Variants in RFX4 observed in about 807,000 individuals in gnomAD.
RFX4 encodes the protein transcription factor RFX4.
RFX4 carries 10 observed loss-of-function variants against 95.0 expected under a neutral mutation model. The ratio of observed to expected loss-of-function variants is 0.11; its 90% CI spans 0.06 to 0.18. The LOEUF (loss-of-function observed/expected upper bound fraction) is 0.18. Ranked by LOEUF, RFX4 falls within the 10% of genes least tolerant of loss-of-function variation. The probability of loss-of-function intolerance (pLI) is 1.00; values close to 1 mark genes in which losing one functional copy is unlikely to be tolerated. For missense variants in RFX4, 640 were observed against 922.0 expected (o/e 0.69, Z 3.96); for synonymous variants, 321 against 340.7 (o/e 0.94, Z 0.64).
At chr12:106,739,973 C>T (rs17038743) in intron 15 of RFX4, among the ~76,000 whole-genome samples, 2,040 of 152,246 alleles carry the variant, frequency 0.013, 53 homozygotes, top group African/African-American at 0.047. Context: ...TAAAGCAAAA[C>T]GTTAAGCTCC....
At chr12:106,681,186 C>T (rs533122459) in intron 4 of RFX4, 1 of 152,354 alleles carries the variant, frequency 6.6e-6, no homozygotes, top group East Asian at 1.9e-4. Context: ...TACCCCTAGG[C>T]TTTCATTCCT....
intron 7 of RFX4, among the ~76,000 whole-genome samples, chr12:106,690,118 G>T (rs116873819): frequency 0.031 from 4,748 of 152,202 alleles, 108 homozygotes; most frequent in Non-Finnish European, 0.047. Context: ...ATATAAAAAC[G>T]ATGTCAGGTA....
rs117368066 is a variant in RFX4, at chr12:106,616,606, G to A, written c.130+7723G>A. 1.1e-3 allele frequency among the ~76,000 whole-genome samples: 170 copies of A among 152,174 alleles called. 1 individual carries two copies. In the East Asian group the frequency reaches 0.024, roughly 22 times the overall value. Reference sequence around the variant, plus strand: ...GGTTTGGAATTTTCTTTGAGGGAAAGTTTTTAATGATGGATTCAATTTTCT... The same window carrying A: ...GGTTTGGAATTTTCTTTGAGGGAAAATTTTTAATGATGGATTCAATTTTCT... On this transcript the variant is annotated intron_variant, in intron 2 of 17. Coordinates refer to ENST00000392842, the MANE Select transcript of RFX4 (RefSeq NM_213594.3).
At chr12:106,686,535 C>A (rs4964187) in intron 5 of RFX4, among the ~76,000 whole-genome samples, 54,952 of 151,830 alleles carry the variant, frequency 0.36, 10,073 homozygotes, top group African/African-American at 0.42. Context: ...GAGAAGGGAC[C>A]CTCAAGTGCT....
At chr12:106,596,331 G>C (rs577440418) in intron 1 of RFX4, among the ~76,000 whole-genome samples, 8 of 152,308 alleles carry the variant, frequency 5.3e-5, no homozygotes, top group Admixed American at 3.9e-4. Context: ...CGTAAGATGT[G>C]ATTTCCTCCT....
At chr12:106,610,511 G>A (rs1184987177) in intron 2 of RFX4, among the ~76,000 whole-genome samples, 1 of 152,002 alleles carries the variant, frequency 6.6e-6, no homozygotes, top group Non-Finnish European at 1.5e-5. Flanking sequence ...TCTACTTTCT[G>A]CCTCTGTTAA....
At chr12:106,587,011 C>T (rs1303238467) in intron 1 of RFX4, among the ~76,000 whole-genome samples, 2 of 152,206 alleles carry the variant, frequency 1.3e-5, no homozygotes, top group Admixed American at 1.3e-4. Flanking sequence ...GGCATGTGCG[C>T]CCCCATCTCT....
chr12:106,635,386 CTT>C (rs1289981638), intron 2 of RFX4, among the ~76,000 whole-genome samples: 1 of 152,146 alleles, frequency 6.6e-6, no homozygotes, highest in Non-Finnish European at 1.5e-5. Flanking sequence ...GGCGTGATCT[CTT>C]TGCAACCTCC....
intron 8 of RFX4, among the ~76,000 whole-genome samples, chr12:106,704,137 T>TCAGGA (rs1316351100): frequency 6.8e-6 from 1 of 147,370 alleles, no homozygotes; most frequent in Non-Finnish European, 1.5e-5. Context: ...AATGAAATAG[T>TCAGGA]CAGGACTCGA....
At chr12:106,622,416 A>G (rs535848282) in intron 2 of RFX4, among the ~76,000 whole-genome samples, 1 of 151,982 alleles carries the variant, frequency 6.6e-6, no homozygotes, top group Non-Finnish European at 1.5e-5. Context: ...AATTGTATAT[A>G]TGTATATATT....
chr12:106,700,726 A>G (rs2041973219), intron 8 of RFX4, among the ~76,000 whole-genome samples: 2 of 152,156 alleles, frequency 1.3e-5, no homozygotes, highest in Non-Finnish European at 2.9e-5. Context: ...ATCTTCAATT[A>G]TAATATACCT....
At chr12:106,649,068 GA>G (rs1188355145) in intron 3 of RFX4, among the ~76,000 whole-genome samples, 4 of 151,946 alleles carry the variant, frequency 2.6e-5, no homozygotes, top group Non-Finnish European at 5.9e-5. Context: ...AGAAGATAAG[GA>G]AAATGGAAGA....
At position 106,747,482 on chromosome 12, in the gene RFX4, C is replaced by A. The variant is rs757682336; in HGVS notation, c.1679C>A (p.Thr560Lys). The A allele has an allele frequency of 1.2e-6, 2 of 1,614,178 alleles. No individual in the cohort carries two copies. Among genetic ancestry groups the A allele is most frequent in the Non-Finnish European group, 1.7e-6 (2 of 1,180,016 alleles). ...YTWSLTYTVT[T>K]AAGSPAENSQ... ...TGGTCTCTAACATACACAGTGACGA[C>A]GGCTGCTGGGTCCCCAGCTGAGAAC... Residue 560 changes from threonine (T) to lysine (K), a missense_variant, in exon 16 of 18, where the codon ACG (threonine) becomes AAG (lysine). By Grantham distance (78) the Thr-to-Lys change is moderately conservative. Around this residue, in one of 7 missense-constraint regions of RFX4, gnomAD observed 300 missense variants for 346.8 expected, o/e 0.87. Transcript: ENST00000392842.
intron 10 of RFX4, among the ~76,000 whole-genome samples, chr12:106,714,005 G>A (rs1182861218): frequency 1.4e-5 from 2 of 142,688 alleles, no homozygotes; most frequent in Non-Finnish European, 3.0e-5. Context: ...GGGAGGCAGA[G>A]GTTACAGTGA....
chr12:106,713,887 T>A (rs946118861), intron 10 of RFX4, among the ~76,000 whole-genome samples: 1 of 151,524 alleles, frequency 6.6e-6, no homozygotes, highest in African/African-American at 2.4e-5. Context: ...GGCCAATATG[T>A]CGAAACCCTG....
chr12:106,589,807 G>A (rs1312501413), intron 1 of RFX4, among the ~76,000 whole-genome samples: 2 of 152,208 alleles, frequency 1.3e-5, no homozygotes, highest in Non-Finnish European at 2.9e-5. Context: ...CCCTCTGAAG[G>A]AATCCTGTGA....
intron 8 of RFX4, among the ~76,000 whole-genome samples, chr12:106,698,758 G>C (rs2041932934): frequency 6.7e-6 from 1 of 148,240 alleles, no homozygotes; most frequent in African/African-American, 2.6e-5. Flanking sequence ...AGGCTCTGTA[G>C]TGATGTGTCC....
rs945239300 is a variant in RFX4 at position 106,736,237 on chromosome 12, G to A, written c.1633+3152G>A. Reference sequence around the variant, plus strand: ...AGGCTCTCTGTAATGCAGTCATTTGGAAACACGTGCTCCTTCAATATTAAG... The same window carrying A: ...AGGCTCTCTGTAATGCAGTCATTTGAAAACACGTGCTCCTTCAATATTAAG... On this transcript the variant is annotated intron_variant, in intron 15 of 17. Transcript: ENST00000392842. Among the ~76,000 whole-genome samples, 5 of 152,180 alleles carry A rather than the reference G, an allele frequency of 3.3e-5. No homozygotes were observed. In the East Asian group the frequency reaches 9.6e-4, roughly 29 times the overall value.
At chr12:106,648,822 G>A (rs1434614620) in intron 3 of RFX4, among the ~76,000 whole-genome samples, 1 of 151,996 alleles carries the variant, frequency 6.6e-6, no homozygotes, top group African/African-American at 2.4e-5. Context: ...GAAATCACAG[G>A]TTTAAAATGA....
Sources: gnomAD v4.1 joint callset for allele counts (sites outside exome capture counted in the v4.1 genomes callset) on GRCh38, gnomAD v4.1.1 for gene constraint, gnomAD v4.1.1 regional missense constraint, MANE v1.5 for transcripts, NCBI Gene and HGNC (gene_info 2026-07-23, HGNC 2026-07-21) for gene names.